The following PDE4A variants were observed in gnomAD, a reference collection of about 807,000 sequenced individuals.
PDE4A encodes 3',5'-cyclic-AMP phosphodiesterase 4A.
A neutral mutation model predicts 73.9 loss-of-function variants in PDE4A; 21 were observed. That is an observed-to-expected ratio of 0.28 (90% CI 0.20 to 0.41). PDE4A has a LOEUF of 0.41. Among genes scored for constraint, PDE4A ranks in the 10% least tolerant of loss-of-function variants. PDE4A has a pLI of 1.00. For synonymous variants in PDE4A, 463 were observed against 505.4 expected, an observed-to-expected ratio of 0.92 and a Z score of 1.13; for missense variants, 958 against 1,211.4, an observed-to-expected ratio of 0.79 and a Z score of 3.10.
Position 10,427,349 on chromosome 19 carries a change from GT to G in PDE4A, c.320+6266del, listed in dbSNP as rs758502587. On this transcript the variant is annotated intron_variant, in intron 1 of 14. Transcript: ENST00000380702. The stretch of plus-strand genomic sequence containing the variant: ...CTACATGGGTGTCTGATGGAAGAGG[GT>G]GCCAACCAGAGGGAAGAGCCAGTGC... 3.3e-4 allele frequency: 84 copies of G among 257,134 alleles called. 1 individual carries two copies. The highest frequency in any genetic ancestry group is 4.9e-4 in the Non-Finnish European group (81 of 164,374). 15.9% of individuals were successfully genotyped at this position (257,134 alleles called of 1,614,324 possible). A position where few individuals can be genotyped will look rare whatever the true frequency, so the allele number is the denominator to read the frequency against.
chr19:10,433,508 G>A (rs901402920), intron 1 of PDE4A, among the ~76,000 whole-genome samples: 16 of 152,212 alleles, frequency 1.1e-4, no homozygotes, highest in East Asian at 1.9e-4. Context: ...AGTGCGACAC[G>A]GTCTCATAAA....
chr19:10,461,963 G>T lies in PDE4A; in HGVS notation c.1707G>T (p.Gly569=). 5 of 1,613,954 alleles carry T rather than the reference G, an allele frequency of 3.1e-6. No individual in the cohort carries two copies. Among genetic ancestry groups the T allele is most frequent in the Non-Finnish European group, 4.2e-6 (5 of 1,179,962 alleles). ...MVETKKVTSS[G]VLLLDNYSDR... The stretch of plus-strand genomic sequence containing the variant: ...AGACCAAGAAAGTGACCAGCTCAGG[G>T]GTCCTCCTGCTAGATAACTACTCCG... Residue 569 remains glycine, a synonymous_variant, in exon 13 of 15, where the codon GGG becomes GGT. Coordinates refer to ENST00000380702, the MANE Select transcript of PDE4A (RefSeq NM_001111307.2).
At position 10,453,899 on chromosome 19, in the gene PDE4A, A is replaced by C. The variant is rs1191058674; in HGVS notation, c.784-930A>C. Among the ~76,000 whole-genome samples, 1 of 151,790 alleles carries C rather than the reference A, an allele frequency of 6.6e-6. No individual in the cohort carries two copies. Among genetic ancestry groups the C allele is most frequent in the Non-Finnish European group, 1.5e-5 (1 of 67,958 alleles). On this transcript the variant is annotated intron_variant, in intron 6 of 14. Transcript: ENST00000380702. The surrounding 1 kb of genome is among the most constrained non-coding windows in gnomAD (Gnocchi z 4.6). ...AGGGTCTCTGGGTGGCACCGGGAGG[A>C]GGGAGCACCCCGTCCAAGCCTGGGC...
intron 6 of PDE4A, among the ~76,000 whole-genome samples, chr19:10,451,230 A>C (rs2043086618): frequency 6.6e-6 from 1 of 150,670 alleles, no homozygotes; most frequent in Admixed American, 6.6e-5. Flanking sequence ...ATCTCTGGGT[A>C]GGGTCTATGG....
intron 13 of PDE4A, among the ~76,000 whole-genome samples, chr19:10,462,220 G>A (rs1024298513): frequency 4.7e-5 from 7 of 148,570 alleles, no homozygotes; most frequent in African/African-American, 1.0e-4. Context: ...CACAACCTCC[G>A]CCTCCCGCCT....
chr19:10,429,122 A>C (rs1441355825), intron 1 of PDE4A, among the ~76,000 whole-genome samples: 1 of 151,300 alleles, frequency 6.6e-6, no homozygotes, highest in African/African-American at 2.4e-5. Context: ...AAAGAAAGAG[A>C]GAAAGGGGGA....
intron 1 of PDE4A, among the ~76,000 whole-genome samples, chr19:10,433,622 G>A (rs1253439054): frequency 6.6e-6 from 1 of 152,148 alleles, no homozygotes; most frequent in Non-Finnish European, 1.5e-5. Context: ...ATGCCACAGA[G>A]ATGTCTATGT....
intron 11 of PDE4A, 104 bp downstream of exon 11, chr19:10,461,207 G>A (rs1247780218): frequency 7.0e-7 from 1 of 1,435,478 alleles, no homozygotes; most frequent in Admixed American, 2.3e-5. Context: ...CTGGCCTGGG[G>A]GCGGGGCTGG....
In PDE4A at chr19:10,467,391, C is replaced by T. The variant is rs2043396128; in HGVS notation, c.2431C>T (p.Pro811Ser). The change falls in exon 15 of 15, where the codon CCC (proline) becomes TCC (serine). Residue 811 changes from proline (P) to serine (S), a missense_variant. By Grantham distance (74) the Pro-to-Ser change is moderately conservative. Around this residue, in one of 3 missense-constraint regions of PDE4A, gnomAD observed 243 missense variants for 245.9 expected, o/e 0.99. Coordinates refer to ENST00000380702, the MANE Select transcript of PDE4A (RefSeq NM_001111307.2). ...EFVVAVSHSSPSALALQSPLL... is the reference protein window; with the variant it reads ...EFVVAVSHSSSSALALQSPLL... ...CGTGGTTGCTGTAAGCCACAGCAGC[C>T]CCTCTGCCCTGGCTCTTCAAAGCCC... The T allele has an allele frequency of 6.2e-7, 1 of 1,614,146 alleles. No individual in the cohort carries two copies. Among genetic ancestry groups the T allele is most frequent in the East Asian group, 2.2e-5 (1 of 44,868 alleles).
At chr19:10,417,708 G>A, upstream of PDE4A, 1 of 1,594,424 alleles carries the variant, frequency 6.3e-7, no homozygotes, top group Non-Finnish European at 8.5e-7. Flanking sequence ...GCTGGGGGCC[G>A]ACCTGCGTCG....
chr19:10,451,399 T>A (rs534423934), intron 6 of PDE4A, among the ~76,000 whole-genome samples: 18 of 152,192 alleles, frequency 1.2e-4, no homozygotes, highest in Admixed American at 1.2e-3. Context: ...GGTGACCGTT[T>A]CCGTTGGGGG....
intron 1 of PDE4A, chr19:10,431,063 C>A: frequency 6.4e-7 from 1 of 1,571,314 alleles, no homozygotes; most frequent in Non-Finnish European, 8.6e-7. Flanking sequence ...AGGATTTGGG[C>A]CGCCAGGCTT....
chr19:10,420,528 G>C (rs1327541940), upstream of PDE4A: 9 of 1,112,292 alleles, frequency 8.1e-6, no homozygotes, highest in Admixed American at 4.8e-5. This position sits in a 1 kb window ranked among gnomAD's most constrained non-coding sequence, Gnocchi z 6.0. Context: ...CGCGGAGCGC[G>C]GAGCGCGGAG....
Position 10,453,910 on chromosome 19 carries a change from C to T in PDE4A, c.784-919C>T, listed in dbSNP as rs1409218180. 2.0e-5 allele frequency among the ~76,000 whole-genome samples: 3 copies of T among 152,070 alleles called. No homozygotes were observed. Among genetic ancestry groups the T allele is most frequent in the Non-Finnish European group, 2.9e-5 (2 of 68,006 alleles). ...GTGGCACCGGGAGGAGGGAGCACCC[C>T]GTCCAAGCCTGGGCCATGCAGGCTC... On this transcript the variant is annotated intron_variant, in intron 6 of 14. Transcript: ENST00000380702. This position sits in a 1 kb window ranked among gnomAD's most constrained non-coding sequence, Gnocchi z 4.6.
chr19:10,423,106 T>C (rs927265171), intron 1 of PDE4A: 3 of 984,252 alleles, frequency 3.0e-6, no homozygotes, highest in Non-Finnish European at 3.6e-6. Flanking sequence ...TCCAGCAGGG[T>C]ATTCCTGCTG....
At chr19:10,451,849 T>C (rs1360220483) in intron 6 of PDE4A, among the ~76,000 whole-genome samples, 1 of 152,022 alleles carries the variant, frequency 6.6e-6, no homozygotes, top group Non-Finnish European at 1.5e-5. Context: ...CGGGTGCCTA[T>C]CAAGAAATGA....
At chr19:10,435,455 G>A (rs1455502894) in intron 1 of PDE4A, among the ~76,000 whole-genome samples, 3 of 151,826 alleles carry the variant, frequency 2.0e-5, no homozygotes, top group Admixed American at 6.6e-5. Flanking sequence ...CAGCTACTCA[G>A]GAGGCTGAGG....
upstream of PDE4A, chr19:10,419,054 G>GTAT (rs2042614003): frequency 3.4e-6 from 2 of 586,504 alleles, no homozygotes; most frequent in Non-Finnish European, 4.1e-6. Context: ...AAGACCGGCA[G>GTAT]TCTTTTTTTT....
chr19:10,441,123 C>G (rs902558160), intron 1 of PDE4A, among the ~76,000 whole-genome samples: 10 of 152,104 alleles, frequency 6.6e-5, no homozygotes, highest in African/African-American at 2.4e-4. Flanking sequence ...CAGCCTCAAA[C>G]ATCCCAGGCT....
Sources: gnomAD v4.1 joint callset for allele counts (sites outside exome capture counted in the v4.1 genomes callset) on GRCh38, gnomAD v4.1.1 for gene constraint, gnomAD v4.1.1 regional missense constraint, Gnocchi (gnomAD v3.1) non-coding constraint, MANE v1.5 for transcripts, NCBI Gene and HGNC (gene_info 2026-07-23, HGNC 2026-07-21) for gene names.